The following RC3H1 variants were observed in gnomAD, a reference collection of about 807,000 sequenced individuals.
RC3H1 encodes roquin-1.
A neutral mutation model predicts 138.2 loss-of-function variants in RC3H1; 50 were observed. That is an observed-to-expected ratio of 0.36 (90% CI 0.29 to 0.46). The LOEUF is 0.46. Among genes scored for constraint, RC3H1 ranks in the 20% least tolerant of loss-of-function variants. The pLI is 1.00. For synonymous variants in RC3H1, 462 were observed against 489.1 expected (o/e 0.94, Z 0.73); for missense variants, 1,031 against 1,388.1 (o/e 0.74, Z 4.09).
Position 173,936,718 on chromosome 1 carries a change from A to G in RC3H1, c.*2003T>C, listed in dbSNP as rs1446755413. 1 of 131,236 alleles carries G rather than the reference A, an allele frequency of 7.6e-6. No homozygotes were observed. Among genetic ancestry groups the G allele is most frequent in the Non-Finnish European group, 1.6e-5 (1 of 63,324 alleles). The allele number at this position is 131,236 out of a possible 1,614,324, so 8.1% of individuals were successfully genotyped here. ...AAAGCAAACAAAAGCCAAAAAAAAAAGAAAAAGCATACATATATATATATA... is the reference window on the plus strand; with the variant it reads ...AAAGCAAACAAAAGCCAAAAAAAAAGGAAAAAGCATACATATATATATATA... On this transcript the variant is annotated 3_prime_UTR_variant, in exon 20 of 20. Transcript: ENST00000367696.
chr1:174,007,748 G>A (rs79562483), intron 1 of RC3H1, among the ~76,000 whole-genome samples: 3 of 152,206 alleles, frequency 2.0e-5, no homozygotes, highest in East Asian at 1.9e-4. Context: ...GTGAGCCACC[G>A]CGTCCGGCCC....
chr1:174,007,978 T>C (rs1054720863), intron 1 of RC3H1, among the ~76,000 whole-genome samples: 4 of 152,194 alleles, frequency 2.6e-5, no homozygotes, highest in Non-Finnish European at 4.4e-5. Flanking sequence ...AAAAATCTCC[T>C]CTTTACTCAA....
intron 1 of RC3H1, among the ~76,000 whole-genome samples, chr1:174,019,275 G>A (rs1661916140): frequency 2.0e-5 from 3 of 152,108 alleles, no homozygotes; most frequent in Non-Finnish European, 2.9e-5. Context: ...TATCTGACAG[G>A]ATACAAATAA....
intron 17 of RC3H1, among the ~76,000 whole-genome samples, chr1:173,944,016 A>C (rs1358120871): frequency 1.3e-5 from 2 of 151,904 alleles, no homozygotes; most frequent in East Asian, 1.9e-4. Context: ...AAATAAAAAA[A>C]CCAAAAAATT....
At chr1:173,994,609 G>A (rs1414967384) in intron 1 of RC3H1, among the ~76,000 whole-genome samples, 1 of 151,280 alleles carries the variant, frequency 6.6e-6, no homozygotes, top group East Asian at 1.9e-4. Flanking sequence ...GACCAGCCTA[G>A]GTAACATAGG....
At chr1:173,950,434 A>AAAAAAAAAAAAAAAAAAAAAC in intron 14 of RC3H1, among the ~76,000 whole-genome samples, 1 of 150,390 alleles carries the variant, frequency 6.6e-6, no homozygotes, top group African/African-American at 2.5e-5. Flanking sequence ...AAAAAAAAAA[A>AAAAAAAAAAAAAAAAAAAAAC]AAAAAAAGAG....
chr1:173,974,961 A>C (rs1660512355), intron 7 of RC3H1, among the ~76,000 whole-genome samples: 1 of 152,204 alleles, frequency 6.6e-6, no homozygotes, highest in Admixed American at 6.5e-5. Flanking sequence ...ATACATTATG[A>C]GAGAAAGAAG....
At chr1:173,964,287 T>G (rs563022262) in intron 10 of RC3H1, 100 bp from the exon 11 acceptor site, 5 of 905,874 alleles carry the variant, frequency 5.5e-6, no homozygotes, top group Non-Finnish European at 8.6e-6. Flanking sequence ...AACTCACTTA[T>G]TCTAATAGTC....
chr1:173,987,735 T>C (rs143676831), intron 2 of RC3H1, among the ~76,000 whole-genome samples: 1 of 152,256 alleles, frequency 6.6e-6, no homozygotes, highest in Non-Finnish European at 1.5e-5. Context: ...ACCCGAGATA[T>C]ACATTGTAAT....
chr1:173,952,381 T>G (rs1306637194), intron 13 of RC3H1, among the ~76,000 whole-genome samples: 22 of 144,226 alleles, frequency 1.5e-4, no homozygotes, highest in African/African-American at 4.2e-4. Context: ...TTTTGTTTTT[T>G]TTTTTTACCT....
rs780695619 is a variant in RC3H1 at position 173,965,045 on chromosome 1, G to A, written c.1410C>T (p.Gly470=). 1 of 1,614,098 alleles carries A rather than the reference G, an allele frequency of 6.2e-7. No individual in the cohort carries two copies. The highest frequency in any genetic ancestry group is 2.2e-5 in the East Asian group (1 of 44,880). ...SASLGQLNEV[G]LPSAAILPDE... is the part of the protein sequence containing the mutation. ...CTGGAAGGATAGCTGCTGAAGGCAGGCCCACCTCATTAAGTTGACCCAAAG... is the reference window on the plus strand; with the variant it reads ...CTGGAAGGATAGCTGCTGAAGGCAGACCCACCTCATTAAGTTGACCCAAAG... The change falls in exon 10 of 20, where the codon GGC becomes GGT. Residue 470 remains glycine, a synonymous_variant. Transcript: ENST00000367696.
Position 173,964,821 on chromosome 1 carries a change from G to A in RC3H1, c.1616+18C>T. The stretch of plus-strand genomic sequence containing the variant: ...ATGAAGAAGAAATTTTGAAATAAGA[G>A]TTAGAAAAATGACGTACAGGTCAGG... On this transcript the variant is annotated intron_variant, in intron 10 of 19. Transcript: ENST00000367696. 3 of 1,589,836 alleles carry A rather than the reference G, an allele frequency of 1.9e-6. No homozygotes were observed. The highest frequency in any genetic ancestry group is 2.6e-6 in the Non-Finnish European group (3 of 1,164,832).
In RC3H1 at chr1:173,952,154, G is replaced by T; in HGVS notation, c.2371-16C>A. On this transcript the variant is annotated splice_polypyrimidine_tract_variant and intron_variant, in intron 13 of 19. Coordinates refer to ENST00000367696, the MANE Select transcript of RC3H1 (RefSeq NM_172071.4). ...CATCCAAAAACTACAGATGGAGAAAGAAAAAAAACAAAAAAAAAAAAAAGA... is the reference window on the plus strand; with the variant it reads ...CATCCAAAAACTACAGATGGAGAAATAAAAAAAACAAAAAAAAAAAAAAGA... 4.7e-4 allele frequency: 482 copies of T among 1,021,430 alleles called. No homozygotes were observed. The highest frequency in any genetic ancestry group is 7.6e-4 in the African/African-American group (24 of 31,664). 63.3% of individuals were successfully genotyped at this position (1,021,430 alleles called of 1,614,324 possible). A position where few individuals can be genotyped will look rare whatever the true frequency, so the allele number is the denominator to read the frequency against.
At chr1:173,972,478 G>A in intron 8 of RC3H1, 31 bp downstream of exon 8, 1 of 1,502,042 alleles carries the variant, frequency 6.7e-7, no homozygotes, top group Non-Finnish European at 9.3e-7. Flanking sequence ...TCCACAGTGG[G>A]TTAACTCTAA....
At chr1:173,946,645 A>G in intron 16 of RC3H1, 37 bp from the exon 17 acceptor site, 1 of 1,610,380 alleles carries the variant, frequency 6.2e-7, no homozygotes, top group Non-Finnish European at 8.5e-7. Context: ...AAATTTTAAC[A>G]TTTCATTTTG....
At chr1:173,951,283 C>T (rs780561194) in intron 14 of RC3H1, among the ~76,000 whole-genome samples, 18 of 152,090 alleles carry the variant, frequency 1.2e-4, no homozygotes, top group Non-Finnish European at 2.1e-4. Flanking sequence ...CGAGATCGCG[C>T]CATTGAACTC....
At chr1:173,961,278 G>GA (rs1659864431) in intron 12 of RC3H1, 34 bp from the exon 13 acceptor site, 1 of 1,568,100 alleles carries the variant, frequency 6.4e-7, no homozygotes, top group Non-Finnish European at 8.7e-7. Context: ...AATTGAAAGA[G>GA]AATTTCAGGA....
intron 2 of RC3H1, among the ~76,000 whole-genome samples, chr1:173,986,498 T>C (rs992063440): frequency 2.6e-5 from 4 of 152,044 alleles, no homozygotes; most frequent in African/African-American, 9.7e-5. Flanking sequence ...CAGACTGGCC[T>C]CGAATTCCTG....
intron 1 of RC3H1, among the ~76,000 whole-genome samples, chr1:174,003,410 C>T (rs972178274): frequency 7.9e-5 from 12 of 151,626 alleles, no homozygotes; most frequent in African/African-American, 2.9e-4. Flanking sequence ...CACACACACA[C>T]ACACACACAC....
Sources: gnomAD v4.1 joint callset for allele counts (sites outside exome capture counted in the v4.1 genomes callset) on GRCh38, gnomAD v4.1.1 for gene constraint, MANE v1.5 for transcripts, NCBI Gene and HGNC (gene_info 2026-07-23, HGNC 2026-07-21) for gene names.